The following ARID4B variants were observed in gnomAD, a reference collection of about 807,000 sequenced individuals.
The protein encoded by ARID4B is AT-rich interaction domain 4B.
ARID4B carries 26 observed loss-of-function variants against 147.5 expected under a neutral mutation model. That is an observed-to-expected ratio of 0.18 (90% CI 0.13 to 0.24). ARID4B has a LOEUF of 0.24. Ranked by LOEUF, ARID4B falls within the 10% of genes least tolerant of loss-of-function variation. The pLI, the probability that ARID4B is intolerant of heterozygous loss-of-function variation, is 1.00. For synonymous variants in ARID4B, 512 were observed against 507.9 expected (o/e 1.01, Z -0.11); for missense variants, 1,179 against 1,511.5 (o/e 0.78, Z 3.65).
chr1:235,309,120 C>T (rs1433056769), intron 2 of ARID4B, among the ~76,000 whole-genome samples: 2 of 146,296 alleles, frequency 1.4e-5, no homozygotes, highest in African/African-American at 5.1e-5. Flanking sequence ...AGCACCTCTG[C>T]CCCGCCGCCC....
chr1:235,303,225 A>G (rs1673312016), intron 2 of ARID4B, among the ~76,000 whole-genome samples: 1 of 152,100 alleles, frequency 6.6e-6, no homozygotes, highest in Non-Finnish European at 1.5e-5. Flanking sequence ...ACCCGGCCAG[A>G]GAGTTTATAT....
intron 2 of ARID4B, among the ~76,000 whole-genome samples, chr1:235,295,440 G>A (rs1263957658): frequency 6.6e-6 from 1 of 151,296 alleles, no homozygotes; most frequent in Non-Finnish European, 1.5e-5. Flanking sequence ...AACCTGGGAG[G>A]CAGAGGTTGT....
chr1:235,241,489 A>ATATTCCAATATAAATGTAAACAAAG, intron 7 of ARID4B, among the ~76,000 whole-genome samples: 1 of 151,166 alleles, frequency 6.6e-6, no homozygotes, highest in Non-Finnish European at 1.5e-5. Context: ...TTATATTTAT[A>ATATTCCAATATAAATGTAAACAAAG]TATTCCAATA....
intron 2 of ARID4B, among the ~76,000 whole-genome samples, chr1:235,317,588 A>T (rs1008798104): frequency 2.0e-5 from 3 of 152,232 alleles, no homozygotes; most frequent in Non-Finnish European, 4.4e-5. Context: ...TTTATTTTCT[A>T]GTAAACTGTT....
chr1:235,168,716 A>G, intron 23 of ARID4B, 64 bp from the exon 24 acceptor site: 1 of 1,524,916 alleles, frequency 6.6e-7, no homozygotes, highest in Non-Finnish European at 8.9e-7. Flanking sequence ...TAGACAGAAA[A>G]TACTAGTCCT....
chr1:235,291,794 A>G (rs1672355900), intron 2 of ARID4B, among the ~76,000 whole-genome samples: 1 of 152,254 alleles, frequency 6.6e-6, no homozygotes, highest in Admixed American at 6.5e-5. Flanking sequence ...TAATAATAAC[A>G]CAAACATCTC....
intron 2 of ARID4B, among the ~76,000 whole-genome samples, chr1:235,311,436 G>A (rs1674046434): frequency 6.7e-6 from 1 of 150,084 alleles, no homozygotes; most frequent in African/African-American, 2.4e-5. Context: ...ATATATAATA[G>A]GTACTGGGAC....
intron 23 of ARID4B, among the ~76,000 whole-genome samples, chr1:235,170,079 A>G (rs934578727): frequency 6.6e-6 from 1 of 152,114 alleles, no homozygotes; most frequent in African/African-American, 2.4e-5. Flanking sequence ...TCATCCAGGA[A>G]CCTCCTAATC....
intron 17 of ARID4B, among the ~76,000 whole-genome samples, chr1:235,198,149 A>G (rs1665629133): frequency 6.6e-6 from 1 of 152,236 alleles, no homozygotes; most frequent in East Asian, 1.9e-4. Flanking sequence ...ATGGCTGCAC[A>G]TAACATTAAT....
chr1:235,306,339 TA>T (rs951377877), intron 2 of ARID4B, among the ~76,000 whole-genome samples: 1 of 151,814 alleles, frequency 6.6e-6, no homozygotes, highest in African/African-American at 2.4e-5. Context: ...CCGTCTCTAC[TA>T]AAAATACAAA....
At chr1:235,173,361 AAAAC>A (rs1395933638) in intron 22 of ARID4B, among the ~76,000 whole-genome samples, 1 of 151,996 alleles carries the variant, frequency 6.6e-6, no homozygotes, top group Non-Finnish European at 1.5e-5. Context: ...CAAAAACACA[AAAAC>A]AAAACAAAAC....
chr1:235,182,904 G>T, intron 19 of ARID4B, 111 bp from the exon 20 acceptor site: 1 of 1,064,640 alleles, frequency 9.4e-7, no homozygotes, highest in Non-Finnish European at 1.3e-6. Flanking sequence ...ACCCGAGGTT[G>T]CTGGCTTTTA....
chr1:235,315,639 G>C (rs1256065557), intron 2 of ARID4B, among the ~76,000 whole-genome samples: 2 of 152,084 alleles, frequency 1.3e-5, no homozygotes, highest in Admixed American at 6.5e-5. Flanking sequence ...TTATAAATCA[G>C]TAATAATGGC....
chr1:235,299,741 G>A (rs568797993), intron 2 of ARID4B, among the ~76,000 whole-genome samples: 5 of 152,288 alleles, frequency 3.3e-5, no homozygotes, highest in African/African-American at 1.2e-4. Flanking sequence ...ATCCAAGTTA[G>A]GGGGTTGGTC....
chr1:235,308,622 G>A (rs1012265328), intron 2 of ARID4B, among the ~76,000 whole-genome samples: 9 of 152,058 alleles, frequency 5.9e-5, no homozygotes, highest in African/African-American at 1.9e-4. Flanking sequence ...TTGCAGGTGC[G>A]CGCTGCCACG....
intron 2 of ARID4B, among the ~76,000 whole-genome samples, chr1:235,293,234 A>G (rs1199708205): frequency 6.6e-6 from 1 of 152,218 alleles, no homozygotes; most frequent in Non-Finnish European, 1.5e-5. Flanking sequence ...AAAAAAATAT[A>G]TGCTACTAGA....
chr1:235,219,647 G>C, intron 16 of ARID4B, 146 bp downstream of exon 16: 1 of 617,314 alleles, frequency 1.6e-6, no homozygotes, highest in Non-Finnish European at 2.6e-6. Flanking sequence ...TGAAAGAAGT[G>C]AATGCTATTT....
At chr1:235,256,542 A>G (rs1380374101) in intron 4 of ARID4B, among the ~76,000 whole-genome samples, 1 of 152,368 alleles carries the variant, frequency 6.6e-6, no homozygotes, top group Middle Eastern at 3.4e-3. Context: ...GCAAAGCAGC[A>G]TTTATTTCAC....
At chr1:235,252,916 T>G in intron 5 of ARID4B, 107 bp from the exon 6 acceptor site, 1 of 758,164 alleles carries the variant, frequency 1.3e-6, no homozygotes. Flanking sequence ...TATTTAAGAC[T>G]ACATTTGGAA....
Sources: allele counts gnomAD v4.1 joint callset (sites outside exome capture counted in the v4.1 genomes callset), GRCh38; gene constraint gnomAD v4.1.1; transcripts MANE v1.5; gene names NCBI Gene and HGNC (gene_info 2026-07-23, HGNC 2026-07-21).